SSPN: variants seen among roughly 807,000 people sequenced by gnomAD.
SSPN encodes K-ras oncogene-associated protein.
A neutral mutation model predicts 19.1 loss-of-function variants in SSPN; 15 were observed. The observed-to-expected ratio is 0.78, with a 90% CI of 0.52 to 1.21. The LOEUF is 1.21. Ranked by LOEUF, SSPN falls within the 50% of genes most tolerant of loss-of-function variation. SSPN has a pLI of 0.00. For missense variants in SSPN, 291 were observed against 314.0 expected (o/e 0.93, Z 0.55); for synonymous variants, 147 against 140.3 (o/e 1.05, Z -0.34).
intron 1 of SSPN, among the ~76,000 whole-genome samples, chr12:26,171,087 GC>G (rs1159400148): frequency 1.3e-5 from 2 of 152,156 alleles, no homozygotes; most frequent in Non-Finnish European, 2.9e-5. Flanking sequence ...AGGGTTCTTT[GC>G]CTCCCTCTGC....
At chr12:26,165,591 CA>C (rs1385237585) in intron 1 of SSPN, among the ~76,000 whole-genome samples, 1 of 152,158 alleles carries the variant, frequency 6.6e-6, no homozygotes, top group African/African-American at 2.4e-5. Context: ...AGATGCTTAA[CA>C]AATATTAATT....
At chr12:26,173,526 T>C (rs538374742) in intron 1 of SSPN, among the ~76,000 whole-genome samples, 13 of 152,320 alleles carry the variant, frequency 8.5e-5, no homozygotes, top group African/African-American at 3.1e-4. Context: ...TGCTGATCTC[T>C]TTCATATGCT....
intron 1 of SSPN, chr12:26,123,297 T>G (rs1438996957): frequency 3.9e-5 from 50 of 1,272,514 alleles, no homozygotes; most frequent in Non-Finnish European, 5.0e-5. Context: ...TTCCCCAGTA[T>G]TCAAGTGATA....
intron 1 of SSPN, among the ~76,000 whole-genome samples, chr12:26,209,245 T>C (rs905288549): frequency 1.3e-5 from 2 of 152,154 alleles, no homozygotes; most frequent in African/African-American, 4.8e-5. Flanking sequence ...TGTGCTCAGT[T>C]CATGTGTTTT....
At chr12:26,195,404 G>T, upstream of SSPN, 1 of 440,452 alleles carries the variant, frequency 2.3e-6, no homozygotes, top group Non-Finnish European at 3.6e-6. Context: ...GACCCGCGCC[G>T]GTTTCCGCGG....
intron 1 of SSPN, among the ~76,000 whole-genome samples, chr12:26,215,085 G>A (rs1945032563): frequency 6.6e-6 from 1 of 152,034 alleles, no homozygotes; most frequent in South Asian, 2.1e-4. Flanking sequence ...GTTCCTCTGG[G>A]GATTAAACTG....
intron 1 of SSPN, chr12:26,125,253 C>T (rs892763087): frequency 8.5e-6 from 2 of 236,158 alleles, no homozygotes; most frequent in Non-Finnish European, 1.7e-5. Context: ...AGCTATTCAT[C>T]TTCCCAAAGG....
intron 1 of SSPN, among the ~76,000 whole-genome samples, chr12:26,163,619 C>A (rs1944603127): frequency 6.6e-6 from 1 of 152,152 alleles, no homozygotes; most frequent in African/African-American, 2.4e-5. Context: ...ATCCTGAAGC[C>A]TCCTTTAAAA....
intron 1 of SSPN, chr12:26,124,828 A>G (rs750127483): frequency 1.3e-6 from 2 of 1,591,566 alleles, no homozygotes; most frequent in Admixed American, 3.3e-5. Context: ...GGCTCTGTAC[A>G]ATAATCTGTG....
In SSPN at chr12:26,234,333, TTCTAGAGATTGTC is replaced by T. The variant is rs1945264640; in HGVS notation, c.*3261_*3273del. 6.6e-6 allele frequency: 1 copy of T among 152,216 alleles called. No homozygotes were observed. Among genetic ancestry groups the T allele is most frequent in the Non-Finnish European group, 1.5e-5 (1 of 68,038 alleles). The allele number at this position is 152,216 out of a possible 1,614,324, so 9.4% of individuals were successfully genotyped here. A position where few individuals can be genotyped will look rare whatever the true frequency, so the allele number is the denominator to read the frequency against. On this transcript the variant is annotated 3_prime_UTR_variant, in exon 3 of 3. Transcript: ENST00000242729. ...CTATCATGAAGAGTACCTTCATATT[TTCTAGAGATTGTC>T]TCTGAACCGTTGCTACATAGCCATA...
chr12:26,149,985 C>T (rs1472787744), intron 1 of SSPN, among the ~76,000 whole-genome samples: 1 of 152,154 alleles, frequency 6.6e-6, no homozygotes, highest in East Asian at 1.9e-4. Flanking sequence ...AATACTTCCT[C>T]ACATCTTCTG....
chr12:26,211,230 G>T (rs1944982786), intron 1 of SSPN: 1 of 152,124 alleles, frequency 6.6e-6, no homozygotes, highest in Non-Finnish European at 1.5e-5. Context: ...GGATATAACT[G>T]CAAGAATTCC....
intron 1 of SSPN, among the ~76,000 whole-genome samples, chr12:26,212,623 T>C (rs773380697): frequency 4.6e-5 from 7 of 152,106 alleles, no homozygotes; most frequent in Non-Finnish European, 8.8e-5. Context: ...ACTAGAGCTT[T>C]TCATCGGCAA....
intron 1 of SSPN, among the ~76,000 whole-genome samples, chr12:26,184,815 GT>G (rs201429028): frequency 1.3e-5 from 2 of 151,818 alleles, no homozygotes; most frequent in East Asian, 1.9e-4. Context: ...AAACTAAGGG[GT>G]TTTTTTTACA....
chr12:26,130,644 G>T (rs192415562), intron 1 of SSPN, among the ~76,000 whole-genome samples: 3 of 152,306 alleles, frequency 2.0e-5, no homozygotes, highest in East Asian at 1.9e-4. Flanking sequence ...ATTAGTTAAG[G>T]TCTGCATTTC....
intron 1 of SSPN, among the ~76,000 whole-genome samples, chr12:26,126,785 C>T (rs1250533847): frequency 6.6e-6 from 1 of 152,266 alleles, no homozygotes. Context: ...TTCAGTTCAT[C>T]TGTTTAGAGG....
intron 1 of SSPN, among the ~76,000 whole-genome samples, chr12:26,175,822 TA>T (rs1189445317): frequency 7.5e-6 from 1 of 133,110 alleles, no homozygotes; most frequent in Non-Finnish European, 1.6e-5. Context: ...ATTCCGAGTA[TA>T]AAAAATTTAT....
At position 26,176,723 on chromosome 12, in the gene SSPN, A is replaced by C. The variant is rs190694334; in HGVS notation, c.-30-47570A>C. On this transcript the variant is annotated intron_variant, in intron 1 of 2. Coordinates refer to the SSPN transcript ENST00000538142. ...CGACTTTGTCCTCTAACATGGGAAC[A>C]TCGTCTCCCCCAGTTGCTGAAGTCA... Among the ~76,000 whole-genome samples the C allele has an allele frequency of 4.6e-3, 694 of 152,322 alleles. 2 individuals carry two copies. The highest frequency in any genetic ancestry group is 0.015 in the African/African-American group (627 of 41,564).
At chr12:26,132,975 T>C (rs1035837134) in intron 1 of SSPN, among the ~76,000 whole-genome samples, 1 of 152,194 alleles carries the variant, frequency 6.6e-6, no homozygotes, top group Admixed American at 6.5e-5. Flanking sequence ...TAGGGGGAGA[T>C]TAGGACAGGG....
Sources: gnomAD v4.1 joint callset for allele counts (sites outside exome capture counted in the v4.1 genomes callset) on GRCh38, gnomAD v4.1.1 for gene constraint, MANE v1.5 for transcripts, NCBI Gene and HGNC (gene_info 2026-07-23, HGNC 2026-07-21) for gene names.